The following TLN2 variants were observed in gnomAD, a reference collection of about 807,000 sequenced individuals.
TLN2 encodes talin-2.
A neutral mutation model predicts 294.7 loss-of-function variants in TLN2; 118 were observed. The observed-to-expected ratio is 0.40, with a 90% CI of 0.34 to 0.47. The LOEUF (loss-of-function observed/expected upper bound fraction) is 0.47, where lower values mean the gene tolerates loss of function less well. TLN2 is among the 20% of genes least tolerant of loss of function. TLN2 has a pLI of 0.84. For missense variants in TLN2, 3,083 were observed against 3,282.2 expected (o/e 0.94, Z 1.48); for synonymous variants, 1,431 against 1,304.5 (o/e 1.10, Z -2.09).
intron 28 of TLN2, among the ~76,000 whole-genome samples, chr15:62,730,084 A>G (rs1335659771): frequency 7.8e-6 from 1 of 128,036 alleles, no homozygotes; most frequent in Non-Finnish European, 1.5e-5. Flanking sequence ...GCTGGAGTGC[A>G]GTGGCACTAT....
At chr15:62,572,830 T>C (rs2140649536) in intron 1 of TLN2, among the ~76,000 whole-genome samples, 1 of 152,194 alleles carries the variant, frequency 6.6e-6, no homozygotes, top group African/African-American at 2.4e-5. Context: ...TGACCCCCTG[T>C]TGCATTTTGG....
chr15:62,800,899 C>A, intron 50 of TLN2, 130 bp downstream of exon 50: 1 of 693,180 alleles, frequency 1.4e-6, no homozygotes, highest in Non-Finnish European at 2.4e-6. Flanking sequence ...CCTTCACCTG[C>A]CTGCTGGTAG....
chr15:62,742,240 A>T (rs2061380218), intron 32 of TLN2, among the ~76,000 whole-genome samples: 1 of 151,388 alleles, frequency 6.6e-6, no homozygotes, highest in African/African-American at 2.4e-5. Context: ...TAAATAAGTG[A>T]CCTCCCTTGA....
chr15:62,840,067 G>T (rs375731065), intron 58 of TLN2, among the ~76,000 whole-genome samples: 1 of 152,140 alleles, frequency 6.6e-6, no homozygotes, highest in African/African-American at 2.4e-5. Flanking sequence ...TACCTGGACC[G>T]GGTCTTCCTC....
chr15:62,492,355 G>A (rs1195356409), intron 1 of TLN2, among the ~76,000 whole-genome samples: 1 of 151,636 alleles, frequency 6.6e-6, no homozygotes, highest in Non-Finnish European at 1.5e-5. Flanking sequence ...TCAGGAGATC[G>A]AGACCATCCT....
chr15:62,753,638 A>G (rs1034294312), intron 35 of TLN2, 135 bp from the exon 36 acceptor site: 27 of 1,024,460 alleles, frequency 2.6e-5, no homozygotes, highest in Non-Finnish European at 3.4e-5. Flanking sequence ...GGTGAGCGGG[A>G]TGAGATGACC....
At chr15:62,757,417 TATCTC>T (rs1423979022) in intron 37 of TLN2, among the ~76,000 whole-genome samples, 1 of 152,224 alleles carries the variant, frequency 6.6e-6, no homozygotes, top group Non-Finnish European at 1.5e-5. Context: ...GTAATGAGCT[TATCTC>T]AGTTAAAATC....
At chr15:62,627,371 G>A (rs1483060630) in intron 3 of TLN2, among the ~76,000 whole-genome samples, 1 of 152,306 alleles carries the variant, frequency 6.6e-6, no homozygotes, top group East Asian at 1.9e-4. Flanking sequence ...TGCTGTCTTT[G>A]TTGCTCCTGA....
chr15:62,833,515 G>T lies in TLN2; in HGVS notation c.7014G>T (p.Glu2338Asp). The T allele has an allele frequency of 6.2e-7, 1 of 1,613,998 alleles. No individual in the cohort carries two copies. The highest frequency in any genetic ancestry group is 8.5e-7 in the Non-Finnish European group (1 of 1,179,926). ...KPRAKPKQAD[E>D]TLDFEEQILE... is the part of the protein sequence containing the mutation. Reference sequence around the variant, plus strand: ...TCTTTTGGTTATAGCAAGCGGATGAGACCCTGGACTTTGAGGAACAGATCT... The same window carrying T: ...TCTTTTGGTTATAGCAAGCGGATGATACCCTGGACTTTGAGGAACAGATCT... The change falls in exon 55 of 59, where the codon GAG (glutamate) becomes GAT (aspartate). Residue 2338 changes from glutamate (E) to aspartate (D), a missense_variant. Coordinates refer to ENST00000636159, the MANE Select transcript of TLN2 (RefSeq NM_015059.3).
At chr15:62,663,202 A>T (rs1291929777) in intron 9 of TLN2, among the ~76,000 whole-genome samples, 1 of 151,974 alleles carries the variant, frequency 6.6e-6, no homozygotes, top group Non-Finnish European at 1.5e-5. Flanking sequence ...ACCATGTGCG[A>T]TTTTTTTTAA....
At chr15:62,776,950 C>T (rs762721938) in intron 43 of TLN2, 40 bp downstream of exon 43, 7 of 1,421,698 alleles carry the variant, frequency 4.9e-6, no homozygotes, top group Non-Finnish European at 6.5e-6. Flanking sequence ...CCTTATCTCC[C>T]TCACCCATGG....
intron 9 of TLN2, among the ~76,000 whole-genome samples, chr15:62,658,479 C>T (rs910529641): frequency 1.3e-5 from 2 of 152,090 alleles, no homozygotes; most frequent in African/African-American, 4.8e-5. Flanking sequence ...AATGCCTGGC[C>T]AATATGCTGT....
At position 62,593,653 on chromosome 15, in the gene TLN2, C is replaced by T. The variant is rs9888697; in HGVS notation, c.-162+3891C>T. 2.8e-3 allele frequency among the ~76,000 whole-genome samples: 422 copies of T among 152,238 alleles called. 4 individuals carry two copies. Among genetic ancestry groups the T allele is most frequent in the African/African-American group, 9.8e-3 (409 of 41,540 alleles). On this transcript the variant is annotated intron_variant, in intron 2 of 58. Coordinates refer to ENST00000636159, the MANE Select transcript of TLN2 (RefSeq NM_015059.3). ...TCTATAGAACTTGAACCTTTGAAAA[C>T]AATCACTTTTCTTTTTTAGCTGCGA... is the stretch of plus-strand genomic sequence containing the variant.
chr15:62,748,262 A>C, intron 32 of TLN2, 89 bp from the exon 33 acceptor site: 1 of 992,232 alleles, frequency 1.0e-6, no homozygotes, highest in Non-Finnish European at 1.5e-6. Context: ...ATAGTGAATT[A>C]ATTGTATTTC....
rs890032927 is a variant in TLN2, at chr15:62,841,193, G to C, written c.*583G>C. 1 of 152,774 alleles carries C rather than the reference G, an allele frequency of 6.5e-6. No homozygotes were observed. Among genetic ancestry groups the C allele is most frequent in the Non-Finnish European group, 1.5e-5 (1 of 68,206 alleles). 9.5% of individuals were successfully genotyped at this position (152,774 alleles called of 1,614,324 possible). A position where few individuals can be genotyped will look rare whatever the true frequency, so the allele number is the denominator to read the frequency against. On this transcript the variant is annotated 3_prime_UTR_variant, in exon 59 of 59. Transcript: ENST00000636159. Reference sequence around the variant, plus strand: ...CCTGTTTGCACGCTTTCTTGCCTCCGTGTGTAAGCTCCTTGTACAACCCAG... The same window carrying C: ...CCTGTTTGCACGCTTTCTTGCCTCCCTGTGTAAGCTCCTTGTACAACCCAG...
chr15:62,583,600 G>A (rs1236530524), intron 1 of TLN2, among the ~76,000 whole-genome samples: 1 of 152,036 alleles, frequency 6.6e-6, no homozygotes, highest in East Asian at 1.9e-4. Flanking sequence ...TGATTTTATT[G>A]TGAACATTTC....
chr15:62,410,198 C>T (rs1313577588), intron 1 of TLN2, among the ~76,000 whole-genome samples: 1 of 151,654 alleles, frequency 6.6e-6, no homozygotes, highest in Non-Finnish European at 1.5e-5. Context: ...GCTGAGATCA[C>T]GCCATTGCAC....
chr15:62,617,467 A>T (rs976694439), intron 2 of TLN2, among the ~76,000 whole-genome samples: 1 of 152,156 alleles, frequency 6.6e-6, no homozygotes, highest in Non-Finnish European at 1.5e-5. Context: ...CCTTGTTTGC[A>T]CATTTATAGG....
chr15:62,572,400 C>G (rs1596186141), intron 1 of TLN2, among the ~76,000 whole-genome samples: 1 of 152,170 alleles, frequency 6.6e-6, no homozygotes, highest in African/African-American at 2.4e-5. Context: ...GCCACCACAC[C>G]CAGCTAATTT....
Sources: allele counts gnomAD v4.1 joint callset (sites outside exome capture counted in the v4.1 genomes callset), GRCh38; gene constraint gnomAD v4.1.1; transcripts MANE v1.5; gene names NCBI Gene and HGNC (gene_info 2026-07-23, HGNC 2026-07-21).